RIT2: variants seen among roughly 807,000 people sequenced by gnomAD.
RIT2 encodes the protein Ras like without CAAX 2, also known as GTP-binding protein Rit2.
A neutral mutation model predicts 23.7 loss-of-function variants in RIT2; 24 were observed. The observed-to-expected ratio is 1.01, with a 90% CI of 0.73 to 1.43. The LOEUF is 1.43. RIT2 is among the 40% of genes most tolerant of loss of function. The probability of loss-of-function intolerance (pLI) is 0.00; values close to 1 mark genes in which losing one functional copy is unlikely to be tolerated. For missense variants in RIT2, 236 were observed against 266.9 expected, an observed-to-expected ratio of 0.88 and a Z score of 0.81; for synonymous variants, 107 against 91.1, an observed-to-expected ratio of 1.17 and a Z score of -0.99.
At chr18:43,077,568 C>T (rs534976670) in intron 1 of RIT2, among the ~76,000 whole-genome samples, 5 of 152,138 alleles carry the variant, frequency 3.3e-5, no homozygotes, top group Non-Finnish European at 7.3e-5. Flanking sequence ...TCCTGTAACA[C>T]CAGGAGACTC....
chr18:42,821,436 C>T (rs1485466966), intron 4 of RIT2, among the ~76,000 whole-genome samples: 2 of 152,094 alleles, frequency 1.3e-5, no homozygotes, highest in South Asian at 2.1e-4. Context: ...ATGATAAGGC[C>T]GTAACTGTTA....
intron 2 of RIT2, among the ~76,000 whole-genome samples, chr18:43,000,564 C>T (rs764666352): frequency 5.3e-5 from 8 of 151,946 alleles, no homozygotes; most frequent in Non-Finnish European, 8.8e-5. Context: ...TCTGTGTCCT[C>T]GCCCAAATCT....
At chr18:42,828,074 A>G (rs556878755) in intron 4 of RIT2, among the ~76,000 whole-genome samples, 62 of 151,764 alleles carry the variant, frequency 4.1e-4, no homozygotes, top group Non-Finnish European at 7.5e-4. Context: ...TTTATTCTCT[A>G]TCAGATTGGA....
At chr18:43,075,103 A>G (rs1466462593) in intron 1 of RIT2, among the ~76,000 whole-genome samples, 1 of 152,166 alleles carries the variant, frequency 6.6e-6, no homozygotes, top group Non-Finnish European at 1.5e-5. Flanking sequence ...AAAACACAGT[A>G]CTAAGATGTG....
At chr18:42,991,425 C>T (rs984347883) in intron 2 of RIT2, among the ~76,000 whole-genome samples, 1 of 152,180 alleles carries the variant, frequency 6.6e-6, no homozygotes, top group Admixed American at 6.5e-5. Context: ...TCAAAATTCA[C>T]TTCCGTGTAT....
intron 1 of RIT2, among the ~76,000 whole-genome samples, chr18:43,036,360 C>T (rs1194604364): frequency 1.3e-5 from 2 of 151,962 alleles, no homozygotes; most frequent in African/African-American, 2.4e-5. Flanking sequence ...GCCAACATGG[C>T]GAAATCCCAT....
chr18:42,828,639 C>A (rs533033288), intron 4 of RIT2, among the ~76,000 whole-genome samples: 2 of 152,268 alleles, frequency 1.3e-5, no homozygotes, highest in Admixed American at 1.3e-4. Context: ...AAAATTGAAC[C>A]TTGGTGGTAA....
chr18:42,788,950 A>G lies in RIT2; in HGVS notation c.427-45230T>C, dbSNP rs1191343822. ...GTATATTTACCATTTCTTCATACAG[A>G]ATATTATAGAGCTATGTAGTCAAGG... is the stretch of plus-strand genomic sequence containing the variant. On this transcript the variant is annotated intron_variant, in intron 4 of 4. Transcript: ENST00000326695. Among the ~76,000 whole-genome samples, 4 of 152,304 alleles carry G rather than the reference A, an allele frequency of 2.6e-5. No individual in the cohort carries two copies. The East Asian group carries it at 7.7e-4, about 29-fold the overall frequency.
chr18:42,947,335 C>G (rs566867856), intron 3 of RIT2, among the ~76,000 whole-genome samples: 1 of 152,042 alleles, frequency 6.6e-6, no homozygotes, highest in Non-Finnish European at 1.5e-5. Context: ...TTGATTAATT[C>G]ATTTCTGGAG....
At chr18:42,953,898 T>G (rs1909911581) in intron 3 of RIT2, among the ~76,000 whole-genome samples, 1 of 152,180 alleles carries the variant, frequency 6.6e-6, no homozygotes, top group East Asian at 1.9e-4. Flanking sequence ...AGCTGAGATC[T>G]CAGGCTTTTC....
At chr18:42,915,787 T>C (rs1184441658) in intron 4 of RIT2, among the ~76,000 whole-genome samples, 1 of 152,144 alleles carries the variant, frequency 6.6e-6, no homozygotes, top group Middle Eastern at 3.4e-3. Flanking sequence ...TTCAACATTG[T>C]TGTTTTTAAT....
At chr18:42,816,733 A>T (rs572302290) in intron 4 of RIT2, among the ~76,000 whole-genome samples, 1 of 152,312 alleles carries the variant, frequency 6.6e-6, no homozygotes, top group African/African-American at 2.4e-5. Flanking sequence ...ATTAGTTTTC[A>T]AAAGGCTGTA....
intron 3 of RIT2, among the ~76,000 whole-genome samples, chr18:42,941,674 T>G (rs921273582): frequency 6.6e-6 from 1 of 152,160 alleles, no homozygotes; most frequent in African/African-American, 2.4e-5. Flanking sequence ...GATACTTTAA[T>G]GTATTAATAT....
chr18:42,911,958 C>T (rs763844540), intron 4 of RIT2, among the ~76,000 whole-genome samples: 5 of 151,642 alleles, frequency 3.3e-5, no homozygotes, highest in South Asian at 2.1e-4. Context: ...ACACTGATAC[C>T]CAAACCCAAC....
rs1313685083 is a variant in RIT2 at position 42,787,934 on chromosome 18, TAA to T, written c.427-44216_427-44215del. Among the ~76,000 whole-genome samples, 19 of 151,820 alleles carry T rather than the reference TAA, an allele frequency of 1.3e-4. No homozygotes were observed. In the East Asian group the frequency reaches 3.7e-3, roughly 29 times the overall value. On this transcript the variant is annotated intron_variant, in intron 4 of 4. Transcript: ENST00000326695. ...TTAAAATGTATTCGTTTATTTAAAA[TAA>T]ATTTATTTTAATTTAGTAAAATTTA...
Position 42,796,469 on chromosome 18 carries a change from G to A in RIT2, c.427-52749C>T, listed in dbSNP as rs1020978553. Reference sequence around the variant, plus strand: ...GTGAGACCAAGAACCCACCAATTCCGGACACAGCTGGGTGCTGTGCCCAGG... The same window carrying A: ...GTGAGACCAAGAACCCACCAATTCCAGACACAGCTGGGTGCTGTGCCCAGG... On this transcript the variant is annotated intron_variant, in intron 4 of 4. Transcript: ENST00000326695. Among the ~76,000 whole-genome samples the A allele has an allele frequency of 3.5e-3, 37 of 10,580 alleles. 1 individual carries two copies. The highest frequency in any genetic ancestry group is 0.048 in the South Asian group (2 of 42). The allele number at this position is 10,580 out of a possible 152,430, so 6.9% of individuals were successfully genotyped here. A position where few individuals can be genotyped will look rare whatever the true frequency, so the allele number is the denominator to read the frequency against.
At chr18:42,778,295 G>A (rs1464801958) in intron 4 of RIT2, among the ~76,000 whole-genome samples, 1 of 152,204 alleles carries the variant, frequency 6.6e-6, no homozygotes, top group Non-Finnish European at 1.5e-5. Context: ...GGCAGCTCCA[G>A]ATGGTGACTT....
chr18:43,026,576 G>GAAAGAAAGAAAGAAAGAAAT lies in RIT2; in HGVS notation c.160+7234_160+7235insATTTCTTTCTTTCTTTCTTT, dbSNP rs1168811728. Among the ~76,000 whole-genome samples, 219 of 23,378 alleles carry GAAAGAAAGAAAGAAAGAAAT rather than the reference G, an allele frequency of 9.4e-3. 2 individuals carry two copies. In the Middle Eastern group the frequency reaches 0.1, roughly 11 times the overall value. 15.3% of individuals were successfully genotyped at this position (23,378 alleles called of 152,430 possible). On this transcript the variant is annotated intron_variant, in intron 2 of 4. Coordinates refer to ENST00000326695, the MANE Select transcript of RIT2 (RefSeq NM_002930.4). ...AAAAAAAAAAGTAAGAAATAAATAA[G>GAAAGAAAGAAAGAAAGAAAT]AAAGAAAGAAAGAAAGAAAGAAAGA...
intron 4 of RIT2, among the ~76,000 whole-genome samples, chr18:42,755,123 T>A (rs1343542305): frequency 6.6e-6 from 1 of 152,122 alleles, no homozygotes; most frequent in Non-Finnish European, 1.5e-5. Context: ...GTACTCCCAA[T>A]AAATATGTTT....
Sources: gnomAD v4.1 joint callset for allele counts (sites outside exome capture counted in the v4.1 genomes callset) on GRCh38, gnomAD v4.1.1 for gene constraint, MANE v1.5 for transcripts, NCBI Gene and HGNC (gene_info 2026-07-23, HGNC 2026-07-21) for gene names.